Variants in ADCY10 observed in about 807,000 individuals in gnomAD.
The protein encoded by ADCY10 is adenylate cyclase 10, also known as adenylate cyclase type 10.
A neutral mutation model predicts 183.3 loss-of-function variants in ADCY10; 156 were observed. The observed-to-expected ratio is 0.85, with a 90% CI of 0.75 to 0.97. ADCY10 has a LOEUF of 0.97. Ranked by LOEUF, ADCY10 falls within the 50% of genes least tolerant of loss-of-function variation. The pLI is 0.00. For missense variants in ADCY10, 1,745 were observed against 1,934.3 expected (o/e 0.90, Z 1.84); for synonymous variants, 645 against 670.0 (o/e 0.96, Z 0.58).
intron 31 of ADCY10, among the ~76,000 whole-genome samples, chr1:167,812,514 C>T (rs1351589646): frequency 6.6e-6 from 1 of 152,148 alleles, no homozygotes; most frequent in Non-Finnish European, 1.5e-5. Context: ...AACAACAAAA[C>T]CCAGAAAACC....
Position 167,820,289 on chromosome 1 carries a change from C to G in ADCY10, c.4286+1735G>C, listed in dbSNP as rs1662813560. ...AGGGCTGCTGGCGCCGCAGCGCCGG[C>G]CGCCTAGCCAAGTCTCTGGGAAGGG... On this transcript the variant is annotated intron_variant, in intron 30 of 32. Coordinates refer to ENST00000367851, the MANE Select transcript of ADCY10 (RefSeq NM_018417.6). 27 of 1,345,050 alleles carry G rather than the reference C, an allele frequency of 2.0e-5. No homozygotes were observed. In the South Asian group the frequency reaches 3.4e-4, roughly 17 times the overall value. 83.3% of individuals were successfully genotyped at this position (1,345,050 alleles called of 1,614,324 possible).
chr1:167,864,194 C>T lies in ADCY10; in HGVS notation c.1617-3131G>A, dbSNP rs150449799. On this transcript the variant is annotated intron_variant, in intron 14 of 32. Transcript: ENST00000367851. ...AAAGTGTGTGCGTGCCCTTTTTACC[C>T]GTTCTTTGTTTTGTGGTGTGCATGT... is the stretch of plus-strand genomic sequence containing the variant. 7.2e-3 allele frequency among the ~76,000 whole-genome samples: 1,099 copies of T among 152,240 alleles called. 15 individuals carry two copies. The highest frequency in any genetic ancestry group is 0.025 in the African/African-American group (1,046 of 41,542).
chr1:167,896,840 A>C, intron 6 of ADCY10, 149 bp from the exon 7 acceptor site: 1 of 628,648 alleles, frequency 1.6e-6, no homozygotes, highest in Non-Finnish European at 2.8e-6. Flanking sequence ...GTAAAATTGA[A>C]ATTTTAAATT....
chr1:167,848,515 A>C, intron 18 of ADCY10, 26 bp from the exon 19 acceptor site: 1 of 1,613,028 alleles, frequency 6.2e-7, no homozygotes, highest in Non-Finnish European at 8.5e-7. Flanking sequence ...AGGGAAGAAA[A>C]GTTGAGTCAT....
chr1:167,834,869 G>C (rs996512266), intron 23 of ADCY10, among the ~76,000 whole-genome samples: 8 of 152,152 alleles, frequency 5.3e-5, no homozygotes, highest in African/African-American at 1.9e-4. Context: ...GGTATGCATA[G>C]GTTTTAGAAA....
chr1:167,870,530 C>A lies in ADCY10; in HGVS notation c.1463-120G>T. ...TCCTTGGGCCAGGCGCTGTGGCTCA[C>A]TCCTGTAATCCCAGCACTTTGGGAG... is the stretch of plus-strand genomic sequence containing the variant. On this transcript the variant is annotated intron_variant, in intron 13 of 32. Transcript: ENST00000367851. 6 of 866,644 alleles carry A rather than the reference C, an allele frequency of 6.9e-6. No homozygotes were observed. The South Asian group carries it at 7.6e-5, about 11-fold the overall frequency. The allele number at this position is 866,644 out of a possible 1,614,324, so 53.7% of individuals were successfully genotyped here. A position where few individuals can be genotyped will look rare whatever the true frequency, so the allele number is the denominator to read the frequency against.
chr1:167,878,454 A>G lies in ADCY10; in HGVS notation c.1398T>C (p.Thr466=). ...TAATGCTCCACACTCACACTTTCTC[A>G]GTACGGCCCCAATACTGATACAATG... ...SGPLYQYWGR[T]EKVMFGMACL... is the part of the protein sequence containing the mutation. Residue 466 remains threonine, a synonymous_variant, in exon 12 of 33, where the codon ACT becomes ACC. Transcript: ENST00000367851. The G allele has an allele frequency of 6.2e-7, 1 of 1,613,920 alleles. No homozygotes were observed. The highest frequency in any genetic ancestry group is 8.5e-7 in the Non-Finnish European group (1 of 1,179,992).
intron 31 of ADCY10, among the ~76,000 whole-genome samples, chr1:167,813,410 G>A (rs149088275): frequency 1.3e-3 from 192 of 151,756 alleles, no homozygotes; most frequent in Middle Eastern, 6.8e-3. Context: ...CAGCAAAAGC[G>A]TCCTTCGAAG....
intron 30 of ADCY10, 53 bp from the exon 31 acceptor site, chr1:167,818,320 C>T (rs779908517): frequency 6.6e-7 from 1 of 1,521,578 alleles, no homozygotes; most frequent in African/African-American, 1.4e-5. Context: ...TAGGAATAGG[C>T]TGGCTTTCTG....
intron 19 of ADCY10, among the ~76,000 whole-genome samples, chr1:167,847,983 T>C (rs375880826): frequency 5.9e-5 from 9 of 152,294 alleles, no homozygotes; most frequent in African/African-American, 2.2e-4. Flanking sequence ...ATGTTGCTGT[T>C]TTTCTTTTTC....
chr1:167,899,906 C>G (rs1669275061), intron 5 of ADCY10, among the ~76,000 whole-genome samples: 1 of 152,094 alleles, frequency 6.6e-6, no homozygotes, highest in African/African-American at 2.4e-5. Flanking sequence ...TTATTTTTAC[C>G]TTTTCTTCAA....
At chr1:167,838,265 G>C (rs1258816244) in intron 21 of ADCY10, among the ~76,000 whole-genome samples, 1 of 152,184 alleles carries the variant, frequency 6.6e-6, no homozygotes, top group East Asian at 1.9e-4. Context: ...ACTGCACAGA[G>C]ATCAATTTGG....
At position 167,880,711 on chromosome 1, in the gene ADCY10, G is replaced by A. The variant is rs1667817769; in HGVS notation, c.1021-102C>T. ...GAGCCGGCGGCAATTTTTGGCTTCTGAATCAGATTTTATCATGATTTCTCT... is the reference window on the plus strand; with the variant it reads ...GAGCCGGCGGCAATTTTTGGCTTCTAAATCAGATTTTATCATGATTTCTCT... On this transcript the variant is annotated intron_variant, in intron 9 of 32. Coordinates refer to ENST00000367851, the MANE Select transcript of ADCY10 (RefSeq NM_018417.6). 6 of 818,082 alleles carry A rather than the reference G, an allele frequency of 7.3e-6. No individual in the cohort carries two copies. The East Asian group carries it at 1.5e-4, about 20-fold the overall frequency. 50.7% of individuals were successfully genotyped at this position (818,082 alleles called of 1,614,324 possible).
Position 167,831,368 on chromosome 1 carries a change from A to G in ADCY10, c.3593+1619T>C, listed in dbSNP as rs116236358. Among the ~76,000 whole-genome samples, 434 of 152,084 alleles carry G rather than the reference A, an allele frequency of 2.9e-3. 3 individuals carry two copies. Among genetic ancestry groups the G allele is most frequent in the African/African-American group, 0.01 (423 of 41,504 alleles). On this transcript the variant is annotated intron_variant, in intron 25 of 32. Transcript: ENST00000367851. ...CCACGCCTGGCTAAATTTTTTCTGT[A>G]TTTTTAGTAGAGACGGGATTTCACC...
chr1:167,875,137 A>G lies in ADCY10; in HGVS notation c.1456T>C (p.Leu486=), dbSNP rs1263022401. The change falls in exon 13 of 33, where the codon TTG becomes CTG. Residue 486 remains leucine, a synonymous_variant. Coordinates refer to ENST00000367851, the MANE Select transcript of ADCY10 (RefSeq NM_018417.6). The part of the protein sequence containing the change: ...LICNRKEDYP[L]LGRNKEINYF... ...ATCAAGGCCTACTACCTACCCAGCA[A>G]AGGGTAATCCTCCTTTCTGTTGCAG... The G allele has an allele frequency of 3.1e-6, 5 of 1,614,068 alleles. No homozygotes were observed. The highest frequency in any genetic ancestry group is 4.2e-6 in the Non-Finnish European group (5 of 1,179,906).
chr1:167,905,238 A>G (rs1669734074), intron 1 of ADCY10, 40 bp from the exon 2 acceptor site: 7 of 1,373,576 alleles, frequency 5.1e-6, no homozygotes, highest in South Asian at 1.2e-5. Context: ...TGATATATTC[A>G]TTTGCTCATT....
At chr1:167,893,726 CTT>C (rs1191434435) in intron 8 of ADCY10, 125 bp downstream of exon 8, 1 of 320,092 alleles carries the variant, frequency 3.1e-6, no homozygotes, top group East Asian at 8.7e-5. Flanking sequence ...AAAAGGAAGT[CTT>C]TTTATTTTAA....
intron 21 of ADCY10, among the ~76,000 whole-genome samples, chr1:167,843,950 G>A (rs1292349697): frequency 6.6e-6 from 1 of 151,518 alleles, no homozygotes; most frequent in Non-Finnish European, 1.5e-5. Context: ...TCTTAGGTCT[G>A]GGCGAAGGAT....
In ADCY10 at chr1:167,878,543, G is replaced by C. The variant is rs758645855; in HGVS notation, c.1309C>G (p.Leu437Val). ...CDSVTYNGSN[L>V]PAYFFKELPK... Reference sequence around the variant, plus strand: ...AGCTCTTTAAAAAAGTACGCTGGTAGGTTGCTCCCATTGTAGGTGACAGAG... The same window carrying C: ...AGCTCTTTAAAAAAGTACGCTGGTACGTTGCTCCCATTGTAGGTGACAGAG... Residue 437 changes from leucine to valine, a missense_variant, in exon 12 of 33, where the codon CTA becomes GTA. By Grantham distance (32) the Leu-to-Val change is conservative (BLOSUM62 1). Coordinates refer to ENST00000367851, the MANE Select transcript of ADCY10 (RefSeq NM_018417.6). 3.1e-6 allele frequency: 5 copies of C among 1,614,168 alleles called. No homozygotes were observed. In the South Asian group the frequency reaches 5.5e-5, roughly 18 times the overall value.
Sources: gnomAD v4.1 joint callset for allele counts (sites outside exome capture counted in the v4.1 genomes callset) on GRCh38, gnomAD v4.1.1 for gene constraint, MANE v1.5 for transcripts, NCBI Gene and HGNC (gene_info 2026-07-23, HGNC 2026-07-21) for gene names.